ITGB5: variants seen among roughly 807,000 people sequenced by gnomAD.
The protein encoded by ITGB5 is integrin beta-5.
In ITGB5, 38 loss-of-function variants were observed where a neutral mutation model predicts 84.8. The ratio of observed to expected loss-of-function variants is 0.45; its 90% CI spans 0.35 to 0.59. The LOEUF is 0.59. Ranked by LOEUF, ITGB5 falls within the 20% of genes least tolerant of loss-of-function variation. The pLI, the probability that ITGB5 is intolerant of heterozygous loss-of-function variation, is 0.01. For synonymous variants in ITGB5, 393 were observed against 414.4 expected (o/e 0.95, Z 0.63); for missense variants, 905 against 1,034.5 (o/e 0.87, Z 1.72).
At chr3:124,861,442 T>A (rs1271985040) in intron 2 of ITGB5, among the ~76,000 whole-genome samples, 2 of 147,218 alleles carry the variant, frequency 1.4e-5, no homozygotes, top group African/African-American at 5.1e-5. Flanking sequence ...CACTCCAGCC[T>A]GAGCGACAGT....
At chr3:124,889,699 T>G (rs1474929774), upstream of ITGB5, among the ~76,000 whole-genome samples, 1 of 152,216 alleles carries the variant, frequency 6.6e-6, no homozygotes, top group Non-Finnish European at 1.5e-5. Context: ...GCTACTCTTA[T>G]GCCAGTTTGA....
chr3:124,822,014 G>A (rs575689146), intron 5 of ITGB5, among the ~76,000 whole-genome samples: 10 of 152,320 alleles, frequency 6.6e-5, no homozygotes, highest in East Asian at 3.9e-4. Context: ...AAAACCTGCC[G>A]TCTATTCTGG....
rs796470743 is a variant in ITGB5, at chr3:124,819,686, C to T, written c.1038+53G>A. The T allele has an allele frequency of 2.0e-5, 26 of 1,309,678 alleles. No homozygotes were observed. In the African/African-American group the frequency reaches 3.8e-4, roughly 19 times the overall value. The allele number at this position is 1,309,678 out of a possible 1,614,324, so 81.1% of individuals were successfully genotyped here. On this transcript the variant is annotated intron_variant, in intron 7 of 14. Coordinates refer to ENST00000296181, the MANE Select transcript of ITGB5 (RefSeq NM_002213.5). ...CAGATAGGCAGAGTTGTAAACACTC[C>T]TCACCACCCACTTCACCCCACAAAT...
At chr3:124,854,826 A>G (rs2065201420) in intron 3 of ITGB5, among the ~76,000 whole-genome samples, 1 of 152,168 alleles carries the variant, frequency 6.6e-6, no homozygotes, top group African/African-American at 2.4e-5. Context: ...ATTCTTTTTA[A>G]TTTTTATTTC....
At chr3:124,827,721 C>CCCG (rs1324943455) in intron 5 of ITGB5, among the ~76,000 whole-genome samples, 2 of 152,188 alleles carry the variant, frequency 1.3e-5, no homozygotes, top group Non-Finnish European at 2.9e-5. Context: ...ATCCAGATGG[C>CCCG]CCGCAGCAAG....
At chr3:124,836,148 G>A (rs2064932521) in intron 5 of ITGB5, among the ~76,000 whole-genome samples, 1 of 151,886 alleles carries the variant, frequency 6.6e-6, no homozygotes, top group South Asian at 2.1e-4. Flanking sequence ...AACAGAAGAG[G>A]CAGAGCTTGA....
chr3:124,797,868 G>A (rs2064254681), intron 9 of ITGB5, among the ~76,000 whole-genome samples: 1 of 151,912 alleles, frequency 6.6e-6, no homozygotes, highest in Admixed American at 6.6e-5. Context: ...TTTACTCAGG[G>A]GTGGGTTCTC....
intron 3 of ITGB5, among the ~76,000 whole-genome samples, chr3:124,853,543 C>A (rs2065184872): frequency 6.6e-6 from 1 of 152,156 alleles, no homozygotes; most frequent in African/African-American, 2.4e-5. Context: ...AACCCCTTAT[C>A]CAGCCATCAT....
intron 10 of ITGB5, among the ~76,000 whole-genome samples, chr3:124,783,784 T>C (rs547225460): frequency 1.1e-4 from 17 of 152,270 alleles, no homozygotes; most frequent in Non-Finnish European, 2.5e-4. Context: ...GTGGTCACAC[T>C]GAAATCGCAG....
intron 2 of ITGB5, among the ~76,000 whole-genome samples, chr3:124,870,514 G>A (rs924385633): frequency 6.6e-6 from 1 of 152,138 alleles, no homozygotes; most frequent in Non-Finnish European, 1.5e-5. Flanking sequence ...GGATCACGAG[G>A]TCAGGAGTTC....
chr3:124,823,444 A>G (rs1235202719), intron 5 of ITGB5, among the ~76,000 whole-genome samples: 1 of 151,856 alleles, frequency 6.6e-6, no homozygotes, highest in African/African-American at 2.4e-5. Context: ...TGGAGTGAGA[A>G]GCCTAGAAGG....
At chr3:124,887,669 GAA>G (rs1298666904), upstream of ITGB5, 1 of 450,078 alleles carries the variant, frequency 2.2e-6, no homozygotes, top group Non-Finnish European at 4.5e-6. Context: ...GTCGCCACGG[GAA>G]AGGGGCGGGG....
intron 10 of ITGB5, among the ~76,000 whole-genome samples, chr3:124,785,578 C>A (rs538930372): frequency 7.0e-6 from 1 of 143,626 alleles, no homozygotes; most frequent in African/African-American, 2.6e-5. Context: ...GAACGAGACT[C>A]CATCTCAAAA....
chr3:124,796,647 C>T lies in ITGB5; in HGVS notation c.1434G>A (p.Gly478=). Residue 478 remains glycine (G), a synonymous_variant, in exon 10 of 15, where the codon GGG becomes GGA. Transcript: ENST00000296181. ...GLEPNSARCN[G]SGTYVCGLCE... ...ACAGGCCGCAGACATAGGTCCCGCTCCCGTTGCACCTGGCGCTGTTGGGTT... is the reference window on the plus strand; with the variant it reads ...ACAGGCCGCAGACATAGGTCCCGCTTCCGTTGCACCTGGCGCTGTTGGGTT... 1 of 1,614,056 alleles carries T rather than the reference C, an allele frequency of 6.2e-7. No individual in the cohort carries two copies. Among genetic ancestry groups the T allele is most frequent in the Non-Finnish European group, 8.5e-7 (1 of 1,179,972 alleles).
At chr3:124,773,054 T>C (rs1268387033) in intron 11 of ITGB5, among the ~76,000 whole-genome samples, 1 of 151,906 alleles carries the variant, frequency 6.6e-6, no homozygotes, top group Non-Finnish European at 1.5e-5. Flanking sequence ...TACAGGCACG[T>C]GCCACCACAC....
intron 2 of ITGB5, among the ~76,000 whole-genome samples, chr3:124,864,431 C>CTGA (rs1389399731): frequency 1.3e-5 from 2 of 152,064 alleles, no homozygotes; most frequent in Non-Finnish European, 2.9e-5. Flanking sequence ...TTCTAAGCTC[C>CTGA]ATATTCAATG....
At chr3:124,891,201 C>G (rs955982168), upstream of ITGB5, among the ~76,000 whole-genome samples, 1 of 152,170 alleles carries the variant, frequency 6.6e-6, no homozygotes, top group African/African-American at 2.4e-5. Flanking sequence ...TATGACCCAA[C>G]AACTCTAGTT....
At chr3:124,764,595 C>T in intron 13 of ITGB5, 38 bp from the exon 14 acceptor site, 1 of 1,580,692 alleles carries the variant, frequency 6.3e-7, no homozygotes, top group South Asian at 1.1e-5. Flanking sequence ...AAGCCACTAG[C>T]ATCACCATGC....
intron 2 of ITGB5, among the ~76,000 whole-genome samples, chr3:124,867,725 G>A (rs2065413747): frequency 6.6e-6 from 1 of 152,218 alleles, no homozygotes; most frequent in Non-Finnish European, 1.5e-5. Context: ...CTGCTTGAAA[G>A]CATCCGCACA....
Sources: allele counts gnomAD v4.1 joint callset (sites outside exome capture counted in the v4.1 genomes callset), GRCh38; gene constraint gnomAD v4.1.1; transcripts MANE v1.5; gene names NCBI Gene and HGNC (gene_info 2026-07-23, HGNC 2026-07-21).